The following ELL variants were observed in gnomAD, a reference collection of about 807,000 sequenced individuals.
ELL encodes the protein elongation factor for RNA polymerase II, also known as RNA polymerase II elongation factor ELL.
Under a neutral mutation model 64.0 loss-of-function variants are expected in ELL, and 18 were observed. That is an observed-to-expected ratio of 0.28 (90% CI 0.19 to 0.42). ELL has a LOEUF of 0.42. ELL is among the 10% of genes least tolerant of loss of function. ELL has a pLI of 1.00. For synonymous variants in ELL, 399 were observed against 376.2 expected, an observed-to-expected ratio of 1.06 and a Z score of -0.70; for missense variants, 797 against 870.4, an observed-to-expected ratio of 0.92 and a Z score of 1.06.
chr19:18,465,588 G>A lies in ELL; in HGVS notation c.306-13C>T. 6.3e-7 allele frequency: 1 copy of A among 1,575,350 alleles called. No homozygotes were observed. The highest frequency in any genetic ancestry group is 1.7e-5 in the Admixed American group (1 of 58,114). The stretch of plus-strand genomic sequence containing the variant: ...AACTTCCCCATGACTGCAAGACAAG[G>A]CCAGGAGCTGGGGTCAGCAGCTGGG... On this transcript the variant is annotated splice_polypyrimidine_tract_variant and intron_variant, in intron 3 of 11. Coordinates refer to ENST00000262809, the MANE Select transcript of ELL (RefSeq NM_006532.4).
intron 1 of ELL, among the ~76,000 whole-genome samples, chr19:18,518,807 A>G (rs1976187994): frequency 6.6e-6 from 1 of 151,890 alleles, no homozygotes; most frequent in Non-Finnish European, 1.5e-5. Flanking sequence ...AAAAAAGGAA[A>G]GAAAAACTGC....
chr19:18,491,158 C>T (rs928211914), intron 1 of ELL, among the ~76,000 whole-genome samples: 1 of 151,600 alleles, frequency 6.6e-6, no homozygotes, highest in Non-Finnish European at 1.5e-5. Context: ...TCACAGCTCG[C>T]TGCAGCCTTG....
At chr19:18,512,484 CA>C (rs1438155671) in intron 1 of ELL, among the ~76,000 whole-genome samples, 2 of 150,652 alleles carry the variant, frequency 1.3e-5, no homozygotes, top group Admixed American at 6.6e-5. Flanking sequence ...CAAAAACATA[CA>C]AAAAGCAACC....
At chr19:18,456,667 A>G (rs1974682487) in intron 6 of ELL, among the ~76,000 whole-genome samples, 1 of 152,140 alleles carries the variant, frequency 6.6e-6, no homozygotes. Flanking sequence ...GACAGTGATG[A>G]GAGGAGATTT....
intron 4 of ELL, among the ~76,000 whole-genome samples, chr19:18,463,376 G>A (rs977395574): frequency 3.1e-5 from 4 of 128,206 alleles, no homozygotes; most frequent in Non-Finnish European, 4.7e-5. Flanking sequence ...ACTCTGTTGC[G>A]CAGGCTGGAG....
At chr19:18,499,011 G>T (rs1975725118) in intron 1 of ELL, among the ~76,000 whole-genome samples, 1 of 152,068 alleles carries the variant, frequency 6.6e-6, no homozygotes, top group Non-Finnish European at 1.5e-5. Context: ...AAAGCTAAAG[G>T]CTGGCTCCCT....
At chr19:18,461,140 C>A (rs988502764) in intron 5 of ELL, among the ~76,000 whole-genome samples, 2 of 152,218 alleles carry the variant, frequency 1.3e-5, no homozygotes, top group Non-Finnish European at 2.9e-5. Context: ...GACGTGAAGC[C>A]CCTCACCCGG....
At chr19:18,478,254 C>T (rs1371296590) in intron 1 of ELL, among the ~76,000 whole-genome samples, 1 of 152,214 alleles carries the variant, frequency 6.6e-6, no homozygotes, top group African/African-American at 2.4e-5. Flanking sequence ...ATCTATGAAG[C>T]AGGACAGAGG....
intron 8 of ELL, among the ~76,000 whole-genome samples, chr19:18,447,323 C>A (rs1027810466): frequency 2.0e-5 from 3 of 152,266 alleles, no homozygotes; most frequent in Admixed American, 6.5e-5. Flanking sequence ...GCAGGGCCTG[C>A]ATCTCTTGCT....
At chr19:18,462,335 CTGTGTGTGTG>C (rs370735358) in intron 4 of ELL, among the ~76,000 whole-genome samples, 3 of 64,982 alleles carry the variant, frequency 4.6e-5, no homozygotes, top group Non-Finnish European at 7.4e-5. Context: ...CTCTAGTGGG[CTGTGTGTGTG>C]TGTGTGTGTG....
chr19:18,445,691 ATCTGATTAATCAGGGCCCAGCCCTGTAG>A (rs1173385269), intron 10 of ELL, among the ~76,000 whole-genome samples: 1 of 152,152 alleles, frequency 6.6e-6, no homozygotes, highest in Non-Finnish European at 1.5e-5. Flanking sequence ...AGACCCCGGC[ATCTGATTAATCAGGGCCCAGCCCTGTAG>A]TCAGGTCACC....
chr19:18,480,759 G>A (rs930247284), intron 1 of ELL, among the ~76,000 whole-genome samples: 7 of 151,988 alleles, frequency 4.6e-5, no homozygotes, highest in Non-Finnish European at 8.8e-5. Flanking sequence ...CTCAGCTCCC[G>A]AGTAGCTGGG....
In ELL at chr19:18,504,615, C is replaced by T. The variant is rs148530437; in HGVS notation, c.135+17306G>A. On this transcript the variant is annotated intron_variant, in intron 1 of 11. Transcript: ENST00000262809. Reference sequence around the variant, plus strand: ...GTCAGGCCTCAGAAGAGCCTGGCACCGCCCACAGGGTGGATCAACGGGTTA... The same window carrying T: ...GTCAGGCCTCAGAAGAGCCTGGCACTGCCCACAGGGTGGATCAACGGGTTA... Among the ~76,000 whole-genome samples the T allele has an allele frequency of 4.1e-3, 630 of 152,246 alleles. No individual in the cohort carries two copies. The Middle Eastern group carries it at 0.058, about 14-fold the overall frequency.
intron 1 of ELL, among the ~76,000 whole-genome samples, chr19:18,489,740 C>G (rs1374350556): frequency 1.3e-5 from 2 of 152,146 alleles, no homozygotes; most frequent in Non-Finnish European, 2.9e-5. Context: ...AACACCTCCC[C>G]CAAGGCGTCA....
At chr19:18,491,249 A>ATTTTTTTTTTTTTTTT (rs565016319) in intron 1 of ELL, among the ~76,000 whole-genome samples, 1 of 72,448 alleles carries the variant, frequency 1.4e-5, no homozygotes, top group Non-Finnish European at 2.7e-5. Context: ...CACCTGGCTA[A>ATTTTTTTTTTTTTTTT]TTTTTTTTTT....
chr19:18,460,646 T>C (rs1453247811), intron 5 of ELL, among the ~76,000 whole-genome samples: 1 of 152,230 alleles, frequency 6.6e-6, no homozygotes, highest in Admixed American at 6.5e-5. Flanking sequence ...GGGACGCCTA[T>C]GAGGAGCTCC....
At chr19:18,515,480 T>G (rs1015548057) in intron 1 of ELL, among the ~76,000 whole-genome samples, 7 of 152,226 alleles carry the variant, frequency 4.6e-5, no homozygotes, top group Non-Finnish European at 1.0e-4. Context: ...TGATTCAGCC[T>G]CCTCCAGAGT....
At position 18,449,979 on chromosome 19, in the gene ELL, G is replaced by T. The variant is rs921581198; in HGVS notation, c.1465+498C>A. On this transcript the variant is annotated intron_variant, in intron 8 of 11. Transcript: ENST00000262809. The surrounding 1 kb of genome is among the most constrained non-coding windows in gnomAD (Gnocchi z 4.4). ...AACCTACAGTCCACAACAGTCGCAC[G>T]GTGCCTACAGAGGTCCAGGTGCTAT... is the stretch of plus-strand genomic sequence containing the variant. Among the ~76,000 whole-genome samples, 2 of 152,142 alleles carry T rather than the reference G, an allele frequency of 1.3e-5. No homozygotes were observed. The highest frequency in any genetic ancestry group is 2.9e-5 in the Non-Finnish European group (2 of 68,026).
rs1470665617 is a variant in ELL at position 18,451,637 on chromosome 19, T to C, written c.881A>G (p.Gln294Arg). 1 of 1,499,780 alleles carries C rather than the reference T, an allele frequency of 6.7e-7. No homozygotes were observed. Among genetic ancestry groups the C allele is most frequent in the Non-Finnish European group, 8.8e-7 (1 of 1,130,622 alleles). 92.9% of individuals were successfully genotyped at this position (1,499,780 alleles called of 1,614,324 possible). The change falls in exon 7 of 12, where the codon CAG (glutamine) becomes CGG (arginine). Residue 294 changes from glutamine (Q) to arginine (R), a missense_variant. By Grantham distance (43) the Gln-to-Arg change is conservative. Transcript: ENST00000262809. ...AAGGAGGCTGCCAGTGCTCTGTGGC[T>C]GGCACAGCTTCCTGCGAAGGAGAGG... ...LKRVLVRKLC[Q>R]PQSTGSLLGD...
Sources: allele counts gnomAD v4.1 joint callset (sites outside exome capture counted in the v4.1 genomes callset), GRCh38; gene constraint gnomAD v4.1.1; non-coding constraint Gnocchi (gnomAD v3.1); transcripts MANE v1.5; gene names NCBI Gene and HGNC (gene_info 2026-07-23, HGNC 2026-07-21).